Variants in PHF14 observed in about 807,000 individuals in gnomAD.
PHF14 encodes the protein PHD finger protein 14.
PHF14 carries 55 observed loss-of-function variants against 117.9 expected under a neutral mutation model. The observed-to-expected ratio is 0.47, with a 90% CI of 0.38 to 0.58. PHF14 has a LOEUF of 0.58. Among genes scored for constraint, PHF14 ranks in the 20% least tolerant of loss-of-function variants. The pLI is 0.00. For missense variants in PHF14, 978 were observed against 1,122.2 expected (o/e 0.87, Z 1.84); for synonymous variants, 409 against 368.6 (o/e 1.11, Z -1.26).
rs147380982 is a variant in PHF14 at position 11,090,300 on chromosome 7, C to T, written c.2655-21050C>T. ...CTGGTAGGCACTCCCTGTAATTGCC[C>T]AGTGAATCAGGTTGACAAAGATAGC... On this transcript the variant is annotated intron_variant, in intron 16 of 17. Transcript: ENST00000634607. Among the ~76,000 whole-genome samples the T allele has an allele frequency of 7.6e-4, 115 of 152,238 alleles. 1 individual carries two copies. The East Asian group carries it at 0.019, about 25-fold the overall frequency.
At chr7:11,061,544 A>G (rs1037775466) in intron 14 of PHF14, 4 of 268,160 alleles carry the variant, frequency 1.5e-5, no homozygotes, top group Non-Finnish European at 2.8e-5. Flanking sequence ...TTTTTTTTCT[A>G]TCAGATACAT....
At chr7:11,166,891 G>A (rs1003229823) in intron 17 of PHF14, among the ~76,000 whole-genome samples, 2 of 152,118 alleles carry the variant, frequency 1.3e-5, no homozygotes, top group African/African-American at 4.8e-5. Context: ...TAGAAGGCAT[G>A]CATTTATAAA....
intron 13 of PHF14, among the ~76,000 whole-genome samples, chr7:11,050,270 A>G (rs1326722303): frequency 6.6e-6 from 1 of 152,206 alleles, no homozygotes; most frequent in African/African-American, 2.4e-5. Flanking sequence ...ATTATAAGCT[A>G]CATTCAAAGA....
At chr7:11,053,282 G>C (rs930442924) in intron 14 of PHF14, among the ~76,000 whole-genome samples, 3 of 151,846 alleles carry the variant, frequency 2.0e-5, no homozygotes, top group Admixed American at 2.0e-4. Context: ...TTGTGTTATG[G>C]GGTCATATAA....
At chr7:10,996,878 A>G (rs1308642472) in intron 4 of PHF14, among the ~76,000 whole-genome samples, 2 of 152,226 alleles carry the variant, frequency 1.3e-5, no homozygotes, top group African/African-American at 4.8e-5. Context: ...TACAGGAGCA[A>G]GTATGCCTGG....
chr7:11,108,785 A>G (rs562825648), intron 16 of PHF14: 3 of 151,890 alleles, frequency 2.0e-5, no homozygotes, highest in East Asian at 1.9e-4. Flanking sequence ...CTGGAATTTC[A>G]TAGCTATATC....
chr7:11,115,515 A>G (rs954559910), intron 17 of PHF14, among the ~76,000 whole-genome samples: 3 of 152,044 alleles, frequency 2.0e-5, no homozygotes, highest in Admixed American at 6.6e-5. Flanking sequence ...ATTGATTTGC[A>G]TCATCAAAAA....
intron 16 of PHF14, among the ~76,000 whole-genome samples, chr7:11,081,855 C>CA (rs1270601028): frequency 0.017 from 1,933 of 114,872 alleles, 29 homozygotes; most frequent in African/African-American, 0.052. Flanking sequence ...GACTCCGTCT[C>CA]AAAAAAAAAA....
rs934676864 is a variant in PHF14 at position 11,023,827 on chromosome 7, C to CA, written c.1317+857dup. Among the ~76,000 whole-genome samples, 159 of 149,682 alleles carry CA rather than the reference C, an allele frequency of 1.1e-3. 1 individual carries two copies. Among genetic ancestry groups the CA allele is most frequent in the African/African-American group, 2.3e-3 (95 of 40,768 alleles). ...TGGGCGACAGAGTGAGACTCCATCT[C>CA]AAAAAAAAAGAAAAAGAAATTTGGC... On this transcript the variant is annotated intron_variant, in intron 6 of 17. Transcript: ENST00000634607.
At chr7:11,096,363 A>C (rs1196942079) in intron 16 of PHF14, among the ~76,000 whole-genome samples, 9 of 152,182 alleles carry the variant, frequency 5.9e-5, no homozygotes, top group Non-Finnish European at 1.3e-4. Context: ...TTTCACTTAT[A>C]GGAGAAAGGG....
At chr7:11,112,770 CAAA>C (rs1015653840) in intron 17 of PHF14, among the ~76,000 whole-genome samples, 1 of 127,540 alleles carries the variant, frequency 7.8e-6, no homozygotes. Flanking sequence ...GACTCCATCT[CAAA>C]AAAAAAAAAA....
At chr7:11,039,885 A>C (rs4719257) in intron 11 of PHF14, among the ~76,000 whole-genome samples, 2 of 152,254 alleles carry the variant, frequency 1.3e-5, no homozygotes, top group East Asian at 3.9e-4. Context: ...TATGTTTTAT[A>C]CTTAATATTT....
chr7:11,088,414 A>ACG (rs377750398), intron 16 of PHF14, among the ~76,000 whole-genome samples: 19,274 of 127,454 alleles, frequency 0.15, 1,542 homozygotes, highest in African/African-American at 0.27. Context: ...ACACACACAC[A>ACG]CACGCACACA....
chr7:10,999,403 C>T (rs944666733), intron 4 of PHF14, among the ~76,000 whole-genome samples: 1 of 152,172 alleles, frequency 6.6e-6, no homozygotes, highest in East Asian at 1.9e-4. Context: ...CTTGTGGTCT[C>T]AATGTCTCAC....
At chr7:11,117,588 T>TGTATTTATATGTATAAATAC (rs1408653111) in intron 17 of PHF14, among the ~76,000 whole-genome samples, 1 of 151,238 alleles carries the variant, frequency 6.6e-6, no homozygotes, top group Non-Finnish European at 1.5e-5. Context: ...TATATAAATA[T>TGTATTTATATGTATAAATAC]GTATTTATAT....
intron 7 of PHF14, among the ~76,000 whole-genome samples, chr7:11,034,818 G>A (rs1430007461): frequency 6.6e-6 from 1 of 151,656 alleles, no homozygotes; most frequent in African/African-American, 2.4e-5. Flanking sequence ...CAAAGTGCTG[G>A]GATTACAGGC....
intron 2 of PHF14, among the ~76,000 whole-genome samples, chr7:10,977,105 T>C (rs2128306928): frequency 6.6e-6 from 1 of 152,186 alleles, no homozygotes; most frequent in Non-Finnish European, 1.5e-5. Context: ...GAATCTTTTC[T>C]GTGCCTGAGA....
At chr7:11,115,456 G>A (rs561915920) in intron 17 of PHF14, among the ~76,000 whole-genome samples, 7 of 152,012 alleles carry the variant, frequency 4.6e-5, no homozygotes, top group South Asian at 4.2e-4. Context: ...TACATAAAAC[G>A]TCACACATAC....
rs944133159 is a variant in PHF14, at chr7:11,130,975, C to A, written c.2772+19508C>A. On this transcript the variant is annotated intron_variant, in intron 17 of 17. Coordinates refer to ENST00000634607, the MANE Select transcript of PHF14 (RefSeq NM_001007157.2). The surrounding 1 kb of genome is among the most constrained non-coding windows in gnomAD (Gnocchi z 4.2). ...ATACGCATTTAGGGGTTTGTCATGT[C>A]TTTTCATGACTTGAGAGCTTTTTTT... Among the ~76,000 whole-genome samples, 5 of 151,520 alleles carry A rather than the reference C, an allele frequency of 3.3e-5. No individual in the cohort carries two copies. Among genetic ancestry groups the A allele is most frequent in the African/African-American group, 1.2e-4 (5 of 41,262 alleles).
Sources: allele counts gnomAD v4.1 joint callset (sites outside exome capture counted in the v4.1 genomes callset), GRCh38; gene constraint gnomAD v4.1.1; non-coding constraint Gnocchi (gnomAD v3.1); transcripts MANE v1.5; gene names NCBI Gene and HGNC (gene_info 2026-07-23, HGNC 2026-07-21).